FOXN3: variants seen among roughly 807,000 people sequenced by gnomAD.
The protein encoded by FOXN3 is forkhead box protein N3.
Under a neutral mutation model 38.4 loss-of-function variants are expected in FOXN3, and 7 were observed. The ratio of observed to expected loss-of-function variants is 0.18; its 90% CI spans 0.10 to 0.34. FOXN3 has a LOEUF of 0.34. FOXN3 is among the 10% of genes least tolerant of loss of function. The probability of loss-of-function intolerance (pLI) is 1.00; values close to 1 mark genes in which losing one functional copy is unlikely to be tolerated. For missense variants in FOXN3, 456 were observed against 613.4 expected (o/e 0.74, Z 2.71); for synonymous variants, 230 against 242.2 (o/e 0.95, Z 0.47).
rs546825438 is a variant in FOXN3, at chr14:89,269,232, C to T, written c.745+11718G>A. On this transcript the variant is annotated intron_variant, in intron 4 of 5. Transcript: ENST00000557258. ...AAGCCCCATTAGAAATCACAGCCTACGGAAAGAGGGGCCAACCAGTGTATG... is the reference window on the plus strand; with the variant it reads ...AAGCCCCATTAGAAATCACAGCCTATGGAAAGAGGGGCCAACCAGTGTATG... 1.4e-3 allele frequency among the ~76,000 whole-genome samples: 219 copies of T among 152,242 alleles called. 1 individual carries two copies. The highest frequency in any genetic ancestry group is 4.9e-3 in the African/African-American group (204 of 41,536).
At chr14:89,495,933 T>G (rs1277863516) in intron 1 of FOXN3, among the ~76,000 whole-genome samples, 1 of 152,076 alleles carries the variant, frequency 6.6e-6, no homozygotes, top group Admixed American at 6.6e-5. Flanking sequence ...CTCCTAAGCA[T>G]GCTCACAATG....
chr14:89,246,159 A>G (rs936400681), intron 4 of FOXN3, among the ~76,000 whole-genome samples: 2 of 152,208 alleles, frequency 1.3e-5, no homozygotes, highest in Non-Finnish European at 2.9e-5. Flanking sequence ...TATGTGAATT[A>G]TATTTCAATA....
intron 2 of FOXN3, chr14:89,399,993 G>T (rs747882373): frequency 6.6e-6 from 1 of 152,194 alleles, no homozygotes; most frequent in Non-Finnish European, 1.5e-5. Context: ...ATGGGTTAGG[G>T]GGCTTTGCTA....
intron 4 of FOXN3, among the ~76,000 whole-genome samples, chr14:89,196,341 C>T (rs778654372): frequency 1.3e-5 from 2 of 152,158 alleles, no homozygotes; most frequent in East Asian, 1.9e-4. Context: ...GCTTCTCCTC[C>T]GTGGACAGGA....
intron 3 of FOXN3, among the ~76,000 whole-genome samples, chr14:89,333,732 GA>G (rs71460265): frequency 0.23 from 26,243 of 116,200 alleles, 2,858 homozygotes; most frequent in South Asian, 0.36. Flanking sequence ...CAGCCTGGGT[GA>G]ACACAGAGAG....
rs992919074 is a variant in FOXN3 at position 89,377,632 on chromosome 14, T to TA, written c.544-26825dup. Among the ~76,000 whole-genome samples the TA allele has an allele frequency of 7.9e-4, 121 of 152,240 alleles. 1 individual carries two copies. The highest frequency in any genetic ancestry group is 2.8e-3 in the African/African-American group (116 of 41,528). ...TCTGCATGTTTGAATTTTCTCACAGTAAAAAATAAGAAGGGAAAAGAAAGA... is the reference window on the plus strand; with the variant it reads ...TCTGCATGTTTGAATTTTCTCACAGTAAAAAAATAAGAAGGGAAAAGAAAGA... On this transcript the variant is annotated intron_variant, in intron 2 of 5. Transcript: ENST00000557258.
Position 89,162,179 on chromosome 14 carries a change from A to C in FOXN3, c.*235T>G. On this transcript the variant is annotated 3_prime_UTR_variant, in exon 6 of 6. Transcript: ENST00000557258. This position sits in a 1 kb window ranked among gnomAD's most constrained non-coding sequence, Gnocchi z 7.2. ...ATGAAAAGCTTTTGTAAAACAGCTG[A>C]GTGTCAATATGAGTTCTATGGCTTC... 5.5e-6 allele frequency: 2 copies of C among 365,506 alleles called. No homozygotes were observed. Among genetic ancestry groups the C allele is most frequent in the Non-Finnish European group, 4.8e-6 (1 of 206,748 alleles). 22.6% of individuals were successfully genotyped at this position (365,506 alleles called of 1,614,324 possible).
At chr14:89,400,746 T>G (rs1278836157) in intron 2 of FOXN3, among the ~76,000 whole-genome samples, 5 of 152,238 alleles carry the variant, frequency 3.3e-5, no homozygotes, top group Non-Finnish European at 7.3e-5. Context: ...TGCTGTTCTC[T>G]CTGCCCAGAT....
At chr14:89,501,525 G>A (rs1221629262) in intron 1 of FOXN3, among the ~76,000 whole-genome samples, 3 of 152,106 alleles carry the variant, frequency 2.0e-5, no homozygotes, top group African/African-American at 4.8e-5. Context: ...GAGGGAACGA[G>A]GAGAAAGGAT....
At chr14:89,203,186 A>G (rs1459166206) in intron 4 of FOXN3, among the ~76,000 whole-genome samples, 1 of 152,106 alleles carries the variant, frequency 6.6e-6, no homozygotes, top group Non-Finnish European at 1.5e-5. Context: ...CCCCAGCAAT[A>G]GGTACTCCAG....
chr14:89,553,023 G>C (rs1895037624), intron 1 of FOXN3, among the ~76,000 whole-genome samples: 1 of 152,004 alleles, frequency 6.6e-6, no homozygotes, highest in East Asian at 1.9e-4. Context: ...AGGATCCCTT[G>C]AGCTCAGGAG....
intron 1 of FOXN3, among the ~76,000 whole-genome samples, chr14:89,479,309 C>T (rs908891750): frequency 3.3e-5 from 5 of 152,164 alleles, no homozygotes; most frequent in Non-Finnish European, 7.3e-5. Flanking sequence ...TTTATACCCT[C>T]TCTCTCGGGA....
At chr14:89,410,985 G>C (rs1313998644) in intron 2 of FOXN3, among the ~76,000 whole-genome samples, 4 of 152,174 alleles carry the variant, frequency 2.6e-5, no homozygotes, top group Non-Finnish European at 5.9e-5. Flanking sequence ...CTTTAAAGCA[G>C]GGGTCCCCAA....
At chr14:89,340,911 C>T (rs757252034) in intron 3 of FOXN3, among the ~76,000 whole-genome samples, 1 of 152,138 alleles carries the variant, frequency 6.6e-6, no homozygotes, top group African/African-American at 2.4e-5. Flanking sequence ...TTGAAATCTG[C>T]ACTTAATTTC....
intron 1 of FOXN3, among the ~76,000 whole-genome samples, chr14:89,426,215 A>ATT (rs33964198): frequency 0.37 from 28,475 of 77,570 alleles, 8,013 homozygotes; most frequent in Admixed American, 0.47. Context: ...AGGAGTACTG[A>ATT]TTTTTTTTTT....
At chr14:89,306,636 G>A (rs1443872070) in intron 3 of FOXN3, among the ~76,000 whole-genome samples, 1 of 152,078 alleles carries the variant, frequency 6.6e-6, no homozygotes, top group Non-Finnish European at 1.5e-5. Context: ...CAAAGTGCTG[G>A]GATTACAGGC....
chr14:89,585,453 TA>T (rs1187491407), intron 1 of FOXN3, among the ~76,000 whole-genome samples: 1 of 152,232 alleles, frequency 6.6e-6, no homozygotes, highest in African/African-American at 2.4e-5. Flanking sequence ...ATATGTATGC[TA>T]GAGAAATTCA....
At chr14:89,550,698 T>C (rs978254145) in intron 1 of FOXN3, among the ~76,000 whole-genome samples, 3 of 152,154 alleles carry the variant, frequency 2.0e-5, no homozygotes, top group African/African-American at 4.8e-5. Context: ...TCAGTCATAA[T>C]CCAAAACAAA....
intron 3 of FOXN3, among the ~76,000 whole-genome samples, chr14:89,311,641 C>T (rs866947169): frequency 2.0e-5 from 3 of 150,544 alleles, no homozygotes; most frequent in Non-Finnish European, 3.0e-5. Flanking sequence ...CCTGGCTAAC[C>T]GGATGAAACC....
Sources: allele counts gnomAD v4.1 joint callset (sites outside exome capture counted in the v4.1 genomes callset), GRCh38; gene constraint gnomAD v4.1.1; non-coding constraint Gnocchi (gnomAD v3.1); transcripts MANE v1.5; gene names NCBI Gene and HGNC (gene_info 2026-07-23, HGNC 2026-07-21).